BRWD1: variants seen among roughly 807,000 people sequenced by gnomAD.
The protein encoded by BRWD1 is bromodomain and WD repeat-containing protein 1.
BRWD1 carries 82 observed loss-of-function variants against 251.2 expected under a neutral mutation model. The ratio of observed to expected loss-of-function variants is 0.33; its 90% CI spans 0.27 to 0.39. The LOEUF is 0.39. BRWD1 is among the 10% of genes least tolerant of loss of function. The pLI, the probability that BRWD1 is intolerant of heterozygous loss-of-function variation, is 1.00. For missense variants in BRWD1, 2,233 were observed against 2,711.6 expected, an observed-to-expected ratio of 0.82 and a Z score of 3.92; for synonymous variants, 918 against 902.8, an observed-to-expected ratio of 1.02 and a Z score of -0.30.
At chr21:39,320,934 C>G (rs1262927515) in intron 1 of BRWD1, 1 of 151,840 alleles carries the variant, frequency 6.6e-6, no homozygotes, top group Non-Finnish European at 1.5e-5. Context: ...TCCCAAAGTG[C>G]TGGGATTACA....
Position 39,190,207 on chromosome 21 carries a change from G to C in BRWD1, c.*6052C>G. On this transcript the variant is annotated 3_prime_UTR_variant, in exon 41 of 41. Coordinates refer to ENST00000342449, the MANE Select transcript of BRWD1 (RefSeq NM_033656.4). ...ACAATCTCTAGTTTCTACATTTCAA[G>C]GATTAATCATATTCTAATTAGACTT... 1.0e-6 allele frequency: 1 copy of C among 980,646 alleles called. No homozygotes were observed. Among genetic ancestry groups the C allele is most frequent in the African/African-American group, 1.8e-5 (1 of 56,556 alleles). 60.7% of individuals were successfully genotyped at this position (980,646 alleles called of 1,614,324 possible).
intron 29 of BRWD1, among the ~76,000 whole-genome samples, chr21:39,222,026 A>G (rs1452202735): frequency 2.6e-5 from 4 of 152,200 alleles, no homozygotes; most frequent in Non-Finnish European, 5.9e-5. Flanking sequence ...CGAAATCACA[A>G]TAATACTTCC....
intron 15 of BRWD1, among the ~76,000 whole-genome samples, chr21:39,266,011 T>C (rs1460975745): frequency 6.6e-6 from 1 of 152,208 alleles, no homozygotes; most frequent in Non-Finnish European, 1.5e-5. Flanking sequence ...CTCTACAGTG[T>C]AGAGCTATGC....
chr21:39,267,367 G>A (rs1044245907), intron 15 of BRWD1, among the ~76,000 whole-genome samples: 13 of 152,008 alleles, frequency 8.6e-5, no homozygotes, highest in African/African-American at 2.7e-4. Context: ...AGGCCGAGGC[G>A]GGCGGATCAC....
intron 19 of BRWD1, among the ~76,000 whole-genome samples, chr21:39,252,291 G>A (rs934699581): frequency 6.6e-5 from 10 of 151,102 alleles, no homozygotes; most frequent in Admixed American, 2.6e-4. Flanking sequence ...AATTTCTACC[G>A]TTATTGGATC....
At chr21:39,221,807 G>C (rs1389926288) in intron 29 of BRWD1, among the ~76,000 whole-genome samples, 1 of 152,142 alleles carries the variant, frequency 6.6e-6, no homozygotes, top group Non-Finnish European at 1.5e-5. Flanking sequence ...AGCAGGCTGA[G>C]GCACAAGAAC....
intron 8 of BRWD1, among the ~76,000 whole-genome samples, chr21:39,284,176 CT>C (rs1238279952): frequency 2.0e-5 from 3 of 152,162 alleles, no homozygotes; most frequent in East Asian, 3.8e-4. Flanking sequence ...TATAGCCAAT[CT>C]TTTTTTGTGA....
At chr21:39,291,948 TTTTTTA>T (rs922241494) in intron 8 of BRWD1, among the ~76,000 whole-genome samples, 5 of 152,116 alleles carry the variant, frequency 3.3e-5, no homozygotes, top group African/African-American at 1.2e-4. Context: ...ATAAGTCTCT[TTTTTTA>T]TTTTTATTTT....
rs2034249135 is a variant in BRWD1 at position 39,247,844 on chromosome 21, A to G, written c.2350-12T>C. ...ACCACTGAATCCGACTGAAACACAG[A>G]AAAACATGCGAATGAAAATCAACAC... On this transcript the variant is annotated splice_polypyrimidine_tract_variant and intron_variant, in intron 20 of 40. Transcript: ENST00000342449. 1 of 1,584,364 alleles carries G rather than the reference A, an allele frequency of 6.3e-7. No homozygotes were observed. Among genetic ancestry groups the G allele is most frequent in the Non-Finnish European group, 8.6e-7 (1 of 1,167,142 alleles).
intron 8 of BRWD1, 92 bp downstream of exon 8, chr21:39,293,719 C>T (rs2035878363): frequency 1.1e-6 from 1 of 925,508 alleles, no homozygotes; most frequent in Non-Finnish European, 1.6e-6. Context: ...ATAACTAATA[C>T]ACATCTTACT....
intron 22 of BRWD1, 67 bp from the exon 23 acceptor site, chr21:39,236,851 A>T: frequency 7.1e-7 from 1 of 1,404,256 alleles, no homozygotes; most frequent in East Asian, 2.3e-5. Flanking sequence ...AGTCAATCAT[A>T]TAAAATTGAG....
rs2034862388 is a variant in BRWD1 at position 39,264,622 on chromosome 21, C to T, written c.1723G>A (p.Val575Ile). Residue 575 changes from valine to isoleucine, a missense_variant, in exon 17 of 41, where the codon GTC (valine) becomes ATC (isoleucine). Val to Ile is a conservative substitution (Grantham distance 29). Coordinates refer to ENST00000342449, the MANE Select transcript of BRWD1 (RefSeq NM_033656.4). ...GCCTGCTGAGTTTGCTCATCTAAGACATAATTATTAGAATCTCTAATAAGT... is the reference window on the plus strand; with the variant it reads ...GCCTGCTGAGTTTGCTCATCTAAGATATAATTATTAGAATCTCTAATAAGT... ...RPLIRDSNNY[V>I]LDEQTQQAPH... is the part of the protein sequence containing the mutation. 3 of 1,612,850 alleles carry T rather than the reference C, an allele frequency of 1.9e-6. No homozygotes were observed. The African/African-American group carries it at 4.0e-5, about 22-fold the overall frequency.
Position 39,295,726 on chromosome 21 carries a change from T to C in BRWD1, c.609+17A>G. 4 of 1,538,542 alleles carry C rather than the reference T, an allele frequency of 2.6e-6. No homozygotes were observed. The South Asian group carries it at 5.1e-5, about 20-fold the overall frequency. On this transcript the variant is annotated intron_variant, in intron 7 of 40. Transcript: ENST00000342449. Reference sequence around the variant, plus strand: ...TACTCTAGATGACATCAAATCAAGTTTAAAATTTTTACTCACTGTAAAGAT... The same window carrying C: ...TACTCTAGATGACATCAAATCAAGTCTAAAATTTTTACTCACTGTAAAGAT...
In BRWD1 at chr21:39,196,486, T is replaced by TA. The variant is rs1176208710; in HGVS notation, c.6582dup (p.Thr2195TyrfsTer3). 1.2e-6 allele frequency: 2 copies of TA among 1,613,458 alleles called. No homozygotes were observed. Among genetic ancestry groups the TA allele is most frequent in the South Asian group, 2.2e-5 (2 of 90,960 alleles). On this transcript the variant is annotated frameshift_variant, in exon 41 of 41. Transcript: ENST00000342449. LOFTEE classifies it high-confidence loss of function. ...CTCACAGTTTTAGATATGTTAGCTG[T>TA]AAAAGTTTTACCTTTTCTAACTACT...
In BRWD1 at chr21:39,293,993, T is replaced by G. The variant is rs141072339; in HGVS notation, c.649A>C (p.Asn217His). Residue 217 changes from asparagine (N) to histidine (H), a missense_variant, in exon 8 of 41, where the codon AAT (asparagine) becomes CAT (histidine). Asn to His is a moderately conservative substitution (Grantham distance 68). Around this residue, in one of 12 missense-constraint regions of BRWD1, gnomAD observed 185 missense variants for 260.6 expected, o/e 0.71. Coordinates refer to ENST00000342449, the MANE Select transcript of BRWD1 (RefSeq NM_033656.4). ...DCLVKIWSTH[N>H]GRLLSTLRGH... ...CTTAATGTAGATAACAAGCGGCCAT[T>G]ATGTGTTGACCAAATCTTTACCAAA... 2.5e-6 allele frequency: 4 copies of G among 1,614,108 alleles called. No homozygotes were observed. In the African/African-American group the frequency reaches 5.3e-5, roughly 22 times the overall value.
At chr21:39,307,477 T>G (rs2036325909) in intron 4 of BRWD1, among the ~76,000 whole-genome samples, 7 of 152,164 alleles carry the variant, frequency 4.6e-5, no homozygotes, top group Admixed American at 4.6e-4. Context: ...ATGTATATAT[T>G]GCACATATTA....
At position 39,298,024 on chromosome 21, in the gene BRWD1, C is replaced by A. The variant is rs1393975634; in HGVS notation, c.349+408G>T. The A allele has an allele frequency of 7.1e-6, 7 of 986,164 alleles. No homozygotes were observed. The African/African-American group carries it at 1.2e-4, about 17-fold the overall frequency. The allele number at this position is 986,164 out of a possible 1,614,324, so 61.1% of individuals were successfully genotyped here. On this transcript the variant is annotated intron_variant, in intron 5 of 40. Coordinates refer to ENST00000342449, the MANE Select transcript of BRWD1 (RefSeq NM_033656.4). Reference sequence around the variant, plus strand: ...AGCTGCTACCAAATTTAGAAAATCACTTCCCTTTATAACAAAGGGCTTTCA... The same window carrying A: ...AGCTGCTACCAAATTTAGAAAATCAATTCCCTTTATAACAAAGGGCTTTCA...
intron 26 of BRWD1, 112 bp downstream of exon 26, chr21:39,229,200 A>G: frequency 1.1e-6 from 1 of 942,382 alleles, no homozygotes; most frequent in Admixed American, 2.4e-5. Context: ...TAGGCTATCC[A>G]CAGTGCTCTA....
chr21:39,244,921 A>AATATATATATATATATAT (rs56801824), intron 21 of BRWD1, among the ~76,000 whole-genome samples: 5,332 of 111,490 alleles, frequency 0.048, 295 homozygotes, highest in Non-Finnish European at 0.062. Context: ...CTTTGGAAGA[A>AATATATATATATATATAT]ATATATATAT....
Sources: gnomAD v4.1 joint callset for allele counts (sites outside exome capture counted in the v4.1 genomes callset) on GRCh38, gnomAD v4.1.1 for gene constraint, gnomAD v4.1.1 regional missense constraint, MANE v1.5 for transcripts, NCBI Gene and HGNC (gene_info 2026-07-23, HGNC 2026-07-21) for gene names.